PLEKHA7: variants seen among roughly 807,000 people sequenced by gnomAD.
PLEKHA7 encodes the protein pleckstrin homology domain containing A7, also known as pleckstrin homology domain-containing family A member 7.
Under a neutral mutation model 170.0 loss-of-function variants are expected in PLEKHA7, and 104 were observed. That is an observed-to-expected ratio of 0.61 (90% CI 0.52 to 0.72). The LOEUF (loss-of-function observed/expected upper bound fraction) is 0.72. Ranked by LOEUF, PLEKHA7 falls within the 30% of genes least tolerant of loss-of-function variation. The pLI, the probability that PLEKHA7 is intolerant of heterozygous loss-of-function variation, is 0.00. For missense variants in PLEKHA7, 1,615 were observed against 1,671.7 expected (o/e 0.97, Z 0.59); for synonymous variants, 648 against 660.8 (o/e 0.98, Z 0.30).
chr11:16,834,357 C>A (rs1265683321), intron 9 of PLEKHA7, among the ~76,000 whole-genome samples: 1 of 152,140 alleles, frequency 6.6e-6, no homozygotes, highest in Non-Finnish European at 1.5e-5. Flanking sequence ...AATGCATGAA[C>A]AAATGCACCA....
intron 3 of PLEKHA7, among the ~76,000 whole-genome samples, chr11:16,966,854 T>A (rs1354986247): frequency 1.3e-5 from 2 of 152,192 alleles, no homozygotes; most frequent in Non-Finnish European, 2.9e-5. Context: ...GGAGCCTGCC[T>A]GAATTCAGGC....
intron 3 of PLEKHA7, among the ~76,000 whole-genome samples, chr11:16,980,052 A>C (rs1444433662): frequency 6.6e-6 from 1 of 152,218 alleles, no homozygotes; most frequent in African/African-American, 2.4e-5. Flanking sequence ...ACCAACAGCC[A>C]CAGGAAGTGC....
At chr11:16,787,417 A>T (rs1564904500) in intron 23 of PLEKHA7, 3 of 155,482 alleles carry the variant, frequency 1.9e-5, no homozygotes, top group African/African-American at 4.8e-5. Context: ...AATGACTCCA[A>T]ATCAATGTAA....
At chr11:16,844,075 G>A (rs1416508869) in intron 8 of PLEKHA7, among the ~76,000 whole-genome samples, 1 of 152,100 alleles carries the variant, frequency 6.6e-6, no homozygotes, top group African/African-American at 2.4e-5. Context: ...AGCCTTTTGT[G>A]CCCAGCCATA....
At chr11:16,880,737 G>A (rs962248941) in intron 3 of PLEKHA7, among the ~76,000 whole-genome samples, 7 of 152,174 alleles carry the variant, frequency 4.6e-5, no homozygotes, top group Admixed American at 2.6e-4. Flanking sequence ...GAGAAAAGCC[G>A]CATTCTATAG....
intron 3 of PLEKHA7, among the ~76,000 whole-genome samples, chr11:16,955,911 G>T (rs1003992877): frequency 6.6e-6 from 1 of 152,044 alleles, no homozygotes; most frequent in African/African-American, 2.4e-5. Context: ...AAAAAGCAGG[G>T]GTGTGCCAGT....
chr11:16,807,868 C>G (rs1243970817), intron 13 of PLEKHA7, among the ~76,000 whole-genome samples: 1 of 152,206 alleles, frequency 6.6e-6, no homozygotes, highest in African/African-American at 2.4e-5. Flanking sequence ...TATAATTGGT[C>G]TGGGATGGGG....
chr11:16,787,153 T>C (rs1446246119), intron 23 of PLEKHA7: 1 of 985,386 alleles, frequency 1.0e-6, no homozygotes, highest in African/African-American at 1.7e-5. Context: ...GGTGACTTCC[T>C]GTTGACCCAG....
Position 17,014,334 on chromosome 11 carries a change from C to T in PLEKHA7, c.68G>A (p.Gly23Asp). 3 of 1,449,632 alleles carry T rather than the reference C, an allele frequency of 2.1e-6. No individual in the cohort carries two copies. Among genetic ancestry groups the T allele is most frequent in the Non-Finnish European group, 2.7e-6 (3 of 1,096,698 alleles). 89.8% of individuals were successfully genotyped at this position (1,449,632 alleles called of 1,614,324 possible). Reference protein sequence around the residue: ...EHWSYGVCRDGRVFFINDQLR... With the variant: ...EHWSYGVCRDDRVFFINDQLR... ...GCCGCACTTGATGAAGAAGACGCGGCCATCCCGGCACACCCCGTAGGACCA... is the reference window on the plus strand; with the variant it reads ...GCCGCACTTGATGAAGAAGACGCGGTCATCCCGGCACACCCCGTAGGACCA... The change falls in exon 1 of 27, where the codon GGC (glycine) becomes GAC (aspartate). Residue 23 changes from glycine to aspartate, a missense_variant. Physicochemically the swap from Gly to Asp is moderately conservative, Grantham distance 94. Coordinates refer to ENST00000531066, the MANE Select transcript of PLEKHA7 (RefSeq NM_001329630.2).
intron 4 of PLEKHA7, among the ~76,000 whole-genome samples, chr11:16,863,051 G>A (rs1409362155): frequency 1.3e-5 from 2 of 152,126 alleles, no homozygotes; most frequent in Non-Finnish European, 1.5e-5. Context: ...CCCCTCTCCA[G>A]TGCTCTAAAT....
At position 16,837,406 on chromosome 11, in the gene PLEKHA7, T is replaced by C. The variant is rs539769861; in HGVS notation, c.872+4141A>G. ...TATAAAGTTCAATCTCGTTCTCAAATTCTCTCTCATCTAGCATCCTAGTCA... is the reference window on the plus strand; with the variant it reads ...TATAAAGTTCAATCTCGTTCTCAAACTCTCTCTCATCTAGCATCCTAGTCA... On this transcript the variant is annotated intron_variant, in intron 9 of 26. Transcript: ENST00000531066. 8.5e-5 allele frequency among the ~76,000 whole-genome samples: 13 copies of C among 152,304 alleles called. No homozygotes were observed. In the East Asian group the frequency reaches 2.5e-3, roughly 29 times the overall value.
chr11:16,932,900 C>T (rs1450194254), intron 3 of PLEKHA7, among the ~76,000 whole-genome samples: 1 of 152,108 alleles, frequency 6.6e-6, no homozygotes, highest in African/African-American at 2.4e-5. Context: ...GAGGCTGGAA[C>T]TCAGTGACCA....
intron 3 of PLEKHA7, among the ~76,000 whole-genome samples, chr11:16,878,544 G>C (rs1383890813): frequency 3.9e-5 from 6 of 152,194 alleles, no homozygotes; most frequent in Non-Finnish European, 8.8e-5. Flanking sequence ...TGAACACCAA[G>C]CTCTTTCCTA....
In PLEKHA7 at chr11:16,816,238, G is replaced by A. The variant is rs140885982; in HGVS notation, c.1893C>T (p.Ser631=). The A allele has an allele frequency of 3.1e-6, 5 of 1,613,742 alleles. No individual in the cohort carries two copies. Among genetic ancestry groups the A allele is most frequent in the Admixed American group, 3.3e-5 (2 of 59,996 alleles). ...GGGTCATGTAACCCATGGAGGGCAT[G>A]GAGCGTCGGTCCACATGAGATGAGT... ...VKNSSHVDRR[S]MPSMGYMTHT... The change falls in exon 12 of 27, where the codon TCC becomes TCT. Residue 631 remains serine (S), a synonymous_variant. Transcript: ENST00000531066.
chr11:16,883,651 G>C (rs1855870446), intron 3 of PLEKHA7, among the ~76,000 whole-genome samples: 2 of 152,126 alleles, frequency 1.3e-5, no homozygotes, highest in South Asian at 4.2e-4. Context: ...AATCTTCAAG[G>C]CTCCTTCTCT....
chr11:16,835,026 T>C (rs542588986), intron 9 of PLEKHA7, among the ~76,000 whole-genome samples: 1 of 152,222 alleles, frequency 6.6e-6, no homozygotes, highest in East Asian at 1.9e-4. Context: ...TCCTAACAAT[T>C]TGGGAGGCTG....
intron 3 of PLEKHA7, among the ~76,000 whole-genome samples, chr11:16,972,399 G>A (rs1047900071): frequency 6.6e-6 from 1 of 151,962 alleles, no homozygotes; most frequent in Non-Finnish European, 1.5e-5. Flanking sequence ...TGGGATTACA[G>A]GCGTGAGTCA....
At chr11:16,802,219 T>C (rs1007366695) in intron 15 of PLEKHA7, among the ~76,000 whole-genome samples, 2 of 152,196 alleles carry the variant, frequency 1.3e-5, no homozygotes, top group South Asian at 2.1e-4. Flanking sequence ...AAAAAATACT[T>C]TAAGAATAGA....
At chr11:16,786,627 A>C in intron 23 of PLEKHA7, 4 of 985,404 alleles carry the variant, frequency 4.1e-6, no homozygotes, top group Non-Finnish European at 4.8e-6. Context: ...CACAGGTCTA[A>C]GACTCATGAC....
Sources: gnomAD v4.1 joint callset for allele counts (sites outside exome capture counted in the v4.1 genomes callset) on GRCh38, gnomAD v4.1.1 for gene constraint, MANE v1.5 for transcripts, NCBI Gene and HGNC (gene_info 2026-07-23, HGNC 2026-07-21) for gene names.